Variants in PHTF1 observed in about 807,000 individuals in gnomAD.
The protein encoded by PHTF1 is protein PHTF1.
In PHTF1, 88 loss-of-function variants were observed where a neutral mutation model predicts 102.4. The observed-to-expected ratio is 0.86, with a 90% CI of 0.72 to 1.03. The LOEUF is 1.03. Ranked by LOEUF, PHTF1 falls within the 50% of genes least tolerant of loss-of-function variation. PHTF1 has a pLI of 0.00. For synonymous variants in PHTF1, 289 were observed against 305.2 expected, an observed-to-expected ratio of 0.95 and a Z score of 0.55; for missense variants, 814 against 909.5, an observed-to-expected ratio of 0.89 and a Z score of 1.35.
rs535518692 is a variant in PHTF1, at chr1:113,705,800, G to A, written c.1671+90C>T. On this transcript the variant is annotated intron_variant, in intron 13 of 18. Coordinates refer to ENST00000369604, the MANE Select transcript of PHTF1 (RefSeq NM_001323043.2). Reference sequence around the variant, plus strand: ...AATCCTTTATTGCCCACATCAACTTGAAGAGAGACCAAATCAAGAGAACAA... The same window carrying A: ...AATCCTTTATTGCCCACATCAACTTAAAGAGAGACCAAATCAAGAGAACAA... The A allele has an allele frequency of 3.4e-5, 33 of 959,062 alleles. No individual in the cohort carries two copies. In the African/African-American group the frequency reaches 4.3e-4, roughly 12 times the overall value. 59.4% of individuals were successfully genotyped at this position (959,062 alleles called of 1,614,324 possible).
chr1:113,740,935 G>A (rs1260395583), intron 3 of PHTF1, among the ~76,000 whole-genome samples: 1 of 152,154 alleles, frequency 6.6e-6, no homozygotes, highest in Non-Finnish European at 1.5e-5. Context: ...GGAGGCTGAG[G>A]CAGGAGAAGC....
chr1:113,709,560 C>T (rs1650739933), intron 11 of PHTF1, among the ~76,000 whole-genome samples: 1 of 152,292 alleles, frequency 6.6e-6, no homozygotes, highest in African/African-American at 2.4e-5. Flanking sequence ...AAATAACAAG[C>T]ATTCCAGCTC....
At chr1:113,753,439 T>A (rs1273538670) in intron 3 of PHTF1, among the ~76,000 whole-genome samples, 1 of 137,444 alleles carries the variant, frequency 7.3e-6, no homozygotes, top group Non-Finnish European at 1.6e-5. Context: ...TTTTTTTTTT[T>A]ATTTTTGAGA....
chr1:113,745,047 C>A (rs1322458552), intron 3 of PHTF1, among the ~76,000 whole-genome samples: 1 of 150,660 alleles, frequency 6.6e-6, no homozygotes, highest in Non-Finnish European at 1.5e-5. Context: ...CAGGGCAGGG[C>A]AGGGCAAGAA....
chr1:113,738,904 T>G, intron 3 of PHTF1, 105 bp from the exon 4 acceptor site: 1 of 695,316 alleles, frequency 1.4e-6, no homozygotes, highest in Non-Finnish European at 2.4e-6. Flanking sequence ...CAGGCTGGAG[T>G]GCAATGGCGT....
chr1:113,721,187 G>A (rs1652881407), intron 7 of PHTF1, among the ~76,000 whole-genome samples: 1 of 152,168 alleles, frequency 6.6e-6, no homozygotes. Flanking sequence ...GGGATGCAAG[G>A]ATGGTTCAAC....
intron 3 of PHTF1, among the ~76,000 whole-genome samples, chr1:113,745,856 C>T (rs745847249): frequency 7.9e-5 from 12 of 152,102 alleles, no homozygotes; most frequent in Admixed American, 2.0e-4. Context: ...GTGAGCTGTA[C>T]AATTATTTCA....
chr1:113,698,023 T>C (rs1215492429), intron 18 of PHTF1, among the ~76,000 whole-genome samples: 3 of 152,094 alleles, frequency 2.0e-5, no homozygotes, highest in African/African-American at 7.2e-5. Context: ...TCAAACTTGA[T>C]TTTTTTTGTT....
rs1016413096 is a variant in PHTF1 at position 113,715,413 on chromosome 1, G to A, written c.624-1975C>T. ...CTTATGCCTGTAATCCCAGCAGTTT[G>A]GGAGGCCAAGGGACAGGTGGATCAG... On this transcript the variant is annotated intron_variant, in intron 7 of 18. Coordinates refer to ENST00000369604, the MANE Select transcript of PHTF1 (RefSeq NM_001323043.2). Among the ~76,000 whole-genome samples the A allele has an allele frequency of 2.6e-5, 4 of 152,124 alleles. No individual in the cohort carries two copies. The South Asian group carries it at 8.3e-4, about 32-fold the overall frequency.
chr1:113,729,557 A>T lies in PHTF1; in HGVS notation c.332-2983T>A, dbSNP rs180919361. Among the ~76,000 whole-genome samples the T allele has an allele frequency of 2.5e-3, 362 of 147,052 alleles. 4 individuals carry two copies. The highest frequency in any genetic ancestry group is 8.6e-3 in the African/African-American group (346 of 40,300). ...ATATACCCACAAAAATTAAAAAGTT[A>T]AAAAAAAAAAGAATTTGATTGGCAT... is the stretch of plus-strand genomic sequence containing the variant. On this transcript the variant is annotated intron_variant, in intron 5 of 18. Coordinates refer to ENST00000369604, the MANE Select transcript of PHTF1 (RefSeq NM_001323043.2).
chr1:113,704,714 C>T lies in PHTF1; in HGVS notation c.1755G>A (p.Lys585=), dbSNP rs1222823339. Residue 585 remains lysine, a synonymous_variant, in exon 14 of 19, where the codon AAG becomes AAA. Transcript: ENST00000369604. ...RKYEIPHFRL[K]KVENIKIWLS... Reference sequence around the variant, plus strand: ...ACCATATTTTAATATTCTCCACCTTCTTAAGTCTGAAATGAGGTATTTCAT... The same window carrying T: ...ACCATATTTTAATATTCTCCACCTTTTTAAGTCTGAAATGAGGTATTTCAT... 3.8e-6 allele frequency: 6 copies of T among 1,590,510 alleles called. No homozygotes were observed. Among genetic ancestry groups the T allele is most frequent in the Non-Finnish European group, 5.2e-6 (6 of 1,159,468 alleles).
intron 7 of PHTF1, among the ~76,000 whole-genome samples, chr1:113,723,424 C>T (rs547161254): frequency 9.7e-4 from 148 of 152,218 alleles, no homozygotes; most frequent in African/African-American, 3.5e-3. Flanking sequence ...ATGATCCCCC[C>T]GCCTCAGCCT....
At chr1:113,738,376 C>A in intron 4 of PHTF1, 108 bp from the exon 5 acceptor site, 1 of 767,768 alleles carries the variant, frequency 1.3e-6, no homozygotes, top group Non-Finnish European at 2.1e-6. Flanking sequence ...AGCACAAAAC[C>A]TGTTCAGTTA....
intron 7 of PHTF1, chr1:113,713,677 C>G (rs1651522813): frequency 2.4e-6 from 1 of 423,046 alleles, no homozygotes; most frequent in Non-Finnish European, 4.2e-6. Flanking sequence ...GAAGCATATA[C>G]TTTTCAGTGT....
chr1:113,710,226 TA>T, intron 11 of PHTF1, 27 bp downstream of exon 11: 1 of 1,483,532 alleles, frequency 6.7e-7, no homozygotes, highest in East Asian at 2.3e-5. Flanking sequence ...CAATAAATAC[TA>T]GCTATTCTTA....
rs960429483 is a variant in PHTF1, at chr1:113,759,096, G to C, written c.-104C>G. 7.1e-6 allele frequency: 7 copies of C among 990,888 alleles called. No individual in the cohort carries two copies. The highest frequency in any genetic ancestry group is 8.4e-6 in the Non-Finnish European group (7 of 833,750). The allele number at this position is 990,888 out of a possible 1,614,324, so 61.4% of individuals were successfully genotyped here. On this transcript the variant is annotated 5_prime_UTR_variant, in exon 1 of 19. Transcript: ENST00000369604. ...TGCCCGGGGTCCCACCGTGAGGCCGGGGGCGAGGCGGCGGGCCAGGCAGGC... is the reference window on the plus strand; with the variant it reads ...TGCCCGGGGTCCCACCGTGAGGCCGCGGGCGAGGCGGCGGGCCAGGCAGGC...
Position 113,708,397 on chromosome 1 carries a change from G to A in PHTF1, c.1270-1675C>T, listed in dbSNP as rs186926598. On this transcript the variant is annotated intron_variant, in intron 11 of 18. Coordinates refer to ENST00000369604, the MANE Select transcript of PHTF1 (RefSeq NM_001323043.2). The stretch of plus-strand genomic sequence containing the variant: ...TCCCAGTACTTTCGGAGGCCGAGGT[G>A]AGTGGATCACTTGAGGTCAGGAGTT... Among the ~76,000 whole-genome samples the A allele has an allele frequency of 3.7e-4, 56 of 152,312 alleles. No individual in the cohort carries two copies. In the East Asian group the frequency reaches 0.01, roughly 27 times the overall value.
rs555794915 is a variant in PHTF1, at chr1:113,711,169, C to A, written c.1047+577G>T. ...AAATATTGTGAACTTGACTACAGAC[C>A]TACTCGTGAACAGGATTCAGCTCCA... On this transcript the variant is annotated intron_variant, in intron 10 of 18. Coordinates refer to ENST00000369604, the MANE Select transcript of PHTF1 (RefSeq NM_001323043.2). 7.9e-5 allele frequency among the ~76,000 whole-genome samples: 12 copies of A among 152,158 alleles called. No individual in the cohort carries two copies. In the East Asian group the frequency reaches 2.3e-3, roughly 29 times the overall value.
At chr1:113,708,568 G>A (rs948780326) in intron 11 of PHTF1, among the ~76,000 whole-genome samples, 1 of 152,120 alleles carries the variant, frequency 6.6e-6, no homozygotes, top group African/African-American at 2.4e-5. Context: ...GGAAGGCGGA[G>A]GTTGCAATGA....
Sources: gnomAD v4.1 joint callset for allele counts (sites outside exome capture counted in the v4.1 genomes callset) on GRCh38, gnomAD v4.1.1 for gene constraint, MANE v1.5 for transcripts, NCBI Gene and HGNC (gene_info 2026-07-23, HGNC 2026-07-21) for gene names.